Variants in ARL6IP6 observed in about 807,000 individuals in gnomAD.
ARL6IP6 encodes the protein ARF like GTPase 6 interacting protein 6, also known as ADP-ribosylation factor-like protein 6-interacting protein 6.
ARL6IP6 carries 22 observed loss-of-function variants against 21.5 expected under a neutral mutation model. The observed-to-expected ratio is 1.02, with a 90% CI of 0.73 to 1.46. ARL6IP6 has a LOEUF of 1.46. Among genes scored for constraint, ARL6IP6 ranks in the 40% most tolerant of loss-of-function variants. The probability of loss-of-function intolerance (pLI) is 0.00; values close to 1 mark genes in which losing one functional copy is unlikely to be tolerated. For missense variants in ARL6IP6, 388 were observed against 299.8 expected, an observed-to-expected ratio of 1.29 and a Z score of -2.17; for synonymous variants, 164 against 125.3, an observed-to-expected ratio of 1.31 and a Z score of -2.06.
intron 3 of ARL6IP6, among the ~76,000 whole-genome samples, chr2:152,751,713 T>G (rs1473450329): frequency 6.6e-6 from 1 of 152,228 alleles, no homozygotes; most frequent in Non-Finnish European, 1.5e-5. Context: ...TTTCATTTTT[T>G]TTTAATGGCT....
rs544091035 is a variant in ARL6IP6 at position 152,748,436 on chromosome 2, T to G, written c.588-11311T>G. On this transcript the variant is annotated intron_variant, in intron 3 of 3. Coordinates refer to ENST00000326446, the MANE Select transcript of ARL6IP6 (RefSeq NM_152522.7). ...AGTGTTAAGATCTTTTGATTCCAGA[T>G]AAAGAACTAACTGATAGTAACTCCA... Among the ~76,000 whole-genome samples the G allele has an allele frequency of 2.0e-5, 3 of 152,346 alleles. No homozygotes were observed. The South Asian group carries it at 6.2e-4, about 32-fold the overall frequency.
chr2:152,748,942 G>T (rs1388648695), intron 3 of ARL6IP6, among the ~76,000 whole-genome samples: 2 of 152,040 alleles, frequency 1.3e-5, no homozygotes, highest in Non-Finnish European at 2.9e-5. Flanking sequence ...GCTCAGTTCT[G>T]TTATTCTGTC....
chr2:152,727,488 A>G (rs1312326735), intron 2 of ARL6IP6, among the ~76,000 whole-genome samples: 2 of 152,214 alleles, frequency 1.3e-5, no homozygotes, highest in Admixed American at 1.3e-4. Context: ...TGTAGTGGAC[A>G]GTAGTGTCCT....
In ARL6IP6 at chr2:152,737,928, A is replaced by C. The variant is rs530108670; in HGVS notation, c.587+2802A>C. ...CCCCCAAATTTCAGCATTAACTCAT[A>C]AGTCCACAGTCCCAGGTCTCATCTG... On this transcript the variant is annotated intron_variant, in intron 3 of 3. Coordinates refer to ENST00000326446, the MANE Select transcript of ARL6IP6 (RefSeq NM_152522.7). Among the ~76,000 whole-genome samples the C allele has an allele frequency of 1.0e-3, 155 of 152,240 alleles. 1 individual carries two copies. The highest frequency in any genetic ancestry group is 3.6e-3 in the African/African-American group (151 of 41,528).
At chr2:152,743,609 G>A (rs1015678604) in intron 3 of ARL6IP6, among the ~76,000 whole-genome samples, 2 of 152,094 alleles carry the variant, frequency 1.3e-5, no homozygotes, top group Admixed American at 1.3e-4. Flanking sequence ...TGTGAAGGGA[G>A]TTACTATGCC....
At chr2:152,743,524 A>ATTTG (rs1700912195) in intron 3 of ARL6IP6, among the ~76,000 whole-genome samples, 1 of 152,188 alleles carries the variant, frequency 6.6e-6, no homozygotes, top group African/African-American at 2.4e-5. Context: ...AGTCTAGTTA[A>ATTTG]TTTGTATAAC....
chr2:152,751,700 G>A (rs1701340888), intron 3 of ARL6IP6, among the ~76,000 whole-genome samples: 1 of 152,052 alleles, frequency 6.6e-6, no homozygotes, highest in South Asian at 2.1e-4. Context: ...AGGAATGACA[G>A]TATTTCATTT....
At position 152,718,961 on chromosome 2, in the gene ARL6IP6, T is replaced by G. The variant is rs1329893350; in HGVS notation, c.337T>G (p.Cys113Gly). 6.2e-7 allele frequency: 1 copy of G among 1,601,556 alleles called. No individual in the cohort carries two copies. Among genetic ancestry groups the G allele is most frequent in the African/African-American group, 1.3e-5 (1 of 74,600 alleles). ...GCCGGTCCAGGTCCTCTCTATTCTC[T>G]GCTCGCTGCTCTTCGCCATTCTTCT... ...RWPVQVLSIL[C>G]SLLFAILLAF... Residue 113 changes from cysteine to glycine, a missense_variant, in exon 1 of 4, where the codon TGC (cysteine) becomes GGC (glycine). Transcript: ENST00000326446.
intron 2 of ARL6IP6, among the ~76,000 whole-genome samples, chr2:152,724,907 A>T (rs199965938): frequency 6.7e-6 from 1 of 149,246 alleles, no homozygotes; most frequent in African/African-American, 2.5e-5. Context: ...TAAAAAAAAA[A>T]GCAAAAAAAC....
intron 3 of ARL6IP6, among the ~76,000 whole-genome samples, chr2:152,738,605 C>T (rs1700656433): frequency 6.6e-6 from 1 of 152,194 alleles, no homozygotes; most frequent in Admixed American, 6.5e-5. Context: ...GGGGTTTGCA[C>T]CCTCTGAAGC....
intron 1 of ARL6IP6, chr2:152,720,158 T>C: frequency 3.0e-6 from 1 of 330,142 alleles, no homozygotes; most frequent in South Asian, 2.5e-5. Flanking sequence ...CTCGGAGACA[T>C]TGCCTTTGTA....
chr2:152,726,667 T>C (rs1031772755), intron 2 of ARL6IP6, among the ~76,000 whole-genome samples: 1 of 152,210 alleles, frequency 6.6e-6, no homozygotes, highest in Non-Finnish European at 1.5e-5. Context: ...CTGGTAATAG[T>C]TTTTACAACT....
In ARL6IP6 at chr2:152,725,569, G is replaced by A. The variant is rs564370448; in HGVS notation, c.454+4983G>A. Among the ~76,000 whole-genome samples the A allele has an allele frequency of 1.2e-3, 184 of 152,076 alleles. 2 individuals carry two copies. The highest frequency in any genetic ancestry group is 2.0e-3 in the Non-Finnish European group (136 of 67,964). ...ATGTTACAAATTATGGAGCAAAGAA[G>A]ATTGTTGTCCTCTTTTCGTCAAAAT... On this transcript the variant is annotated intron_variant, in intron 2 of 3. Transcript: ENST00000326446.
chr2:152,753,463 T>C (rs1047576382), intron 3 of ARL6IP6, among the ~76,000 whole-genome samples: 1 of 152,190 alleles, frequency 6.6e-6, no homozygotes, highest in Admixed American at 6.5e-5. Flanking sequence ...TTTTTAAAAT[T>C]ACTTTGATTT....
At chr2:152,727,602 A>G (rs544780674) in intron 2 of ARL6IP6, among the ~76,000 whole-genome samples, 3 of 152,302 alleles carry the variant, frequency 2.0e-5, no homozygotes, top group East Asian at 1.9e-4. Flanking sequence ...CAGGTGTACC[A>G]TATTTTATCT....
chr2:152,723,361 A>G (rs1699881353), intron 2 of ARL6IP6, among the ~76,000 whole-genome samples: 1 of 152,232 alleles, frequency 6.6e-6, no homozygotes, highest in East Asian at 1.9e-4. Context: ...CCTGTTTATT[A>G]GGAACCTCGT....
At chr2:152,719,786 T>C (rs1210282997) in intron 1 of ARL6IP6, 11 of 353,304 alleles carry the variant, frequency 3.1e-5, no homozygotes, top group Non-Finnish European at 5.8e-5. Context: ...AAAAGAACTT[T>C]GTTGTATGAA....
chr2:152,757,047 C>T (rs1011304949), intron 3 of ARL6IP6, among the ~76,000 whole-genome samples: 6 of 152,102 alleles, frequency 3.9e-5, no homozygotes, highest in Non-Finnish European at 7.4e-5. Context: ...CTATATACTG[C>T]AGTAGAAAAG....
At chr2:152,722,296 T>A (rs1261971449) in intron 2 of ARL6IP6, among the ~76,000 whole-genome samples, 6 of 152,222 alleles carry the variant, frequency 3.9e-5, no homozygotes, top group Non-Finnish European at 8.8e-5. Context: ...CATGAATTTA[T>A]TGTCAAGAGT....
Sources: gnomAD v4.1 joint callset for allele counts (sites outside exome capture counted in the v4.1 genomes callset) on GRCh38, gnomAD v4.1.1 for gene constraint, MANE v1.5 for transcripts, NCBI Gene and HGNC (gene_info 2026-07-23, HGNC 2026-07-21) for gene names.